Variants in RNFT1 observed in about 807,000 individuals in gnomAD.
RNFT1 encodes the protein ring finger protein, transmembrane 1, also known as E3 ubiquitin-protein ligase RNFT1.
Under a neutral mutation model 53.2 loss-of-function variants are expected in RNFT1, and 35 were observed. The ratio of observed to expected loss-of-function variants is 0.66; its 90% CI spans 0.50 to 0.87. The LOEUF (loss-of-function observed/expected upper bound fraction) is 0.87, where lower values mean the gene tolerates loss of function less well. RNFT1 is among the 40% of genes least tolerant of loss of function. The pLI is 0.00. For missense variants in RNFT1, 421 were observed against 515.0 expected (o/e 0.82, Z 1.77); for synonymous variants, 141 against 172.8 (o/e 0.82, Z 1.44).
chr17:59,952,999 G>A lies in RNFT1; in HGVS notation c.1286C>T (p.Ser429Leu), dbSNP rs1167730594. The A allele has an allele frequency of 1.2e-6, 2 of 1,613,202 alleles. No homozygotes were observed. Among genetic ancestry groups the A allele is most frequent in the Non-Finnish European group, 1.7e-6 (2 of 1,179,654 alleles). The change falls in exon 9 of 9, where the codon TCA becomes TTA. Residue 429 changes from serine (S) to leucine (L), a missense_variant. Transcript: ENST00000305783. ...AACTTAATATATTTGAAGGTGTGAT[G>A]AAGTGGCTCCATCCTTCCATTTGTT... ...HINKWKDGAT[S>L]SHLQIY
intron 7 of RNFT1, among the ~76,000 whole-genome samples, 167 bp downstream of exon 7, chr17:59,956,321 C>G (rs1057274169): frequency 2.0e-5 from 3 of 152,158 alleles, no homozygotes; most frequent in Non-Finnish European, 4.4e-5. Flanking sequence ...AGAGATAAAA[C>G]TCCTAAATTA....
intron 5 of RNFT1, 87 bp downstream of exon 5, chr17:59,958,204 A>C (rs2045266046): frequency 7.4e-7 from 1 of 1,360,192 alleles, no homozygotes; most frequent in African/African-American, 1.5e-5. Flanking sequence ...GAAAAACTGC[A>C]AAAGGAGGAT....
intron 7 of RNFT1, 70 bp from the exon 8 acceptor site, chr17:59,954,216 T>TTTGA: frequency 9.8e-7 from 1 of 1,022,364 alleles, no homozygotes; most frequent in Non-Finnish European, 1.5e-6. Flanking sequence ...ACATAAGTAA[T>TTTGA]GCTGTACTTC....
At chr17:59,953,243 C>T (rs1029231656) in intron 8 of RNFT1, 132 bp from the exon 9 acceptor site, 18 of 709,604 alleles carry the variant, frequency 2.5e-5, no homozygotes, top group Non-Finnish European at 3.5e-5. Context: ...TCACCCAGGC[C>T]GGAGTGCAAT....
At chr17:59,962,189 A>C (rs139407842) in intron 3 of RNFT1, 41 of 172,676 alleles carry the variant, frequency 2.4e-4, no homozygotes, top group Non-Finnish European at 2.2e-4. Context: ...CCAGCCACTA[A>C]AAGTTTTTCA....
intron 3 of RNFT1, among the ~76,000 whole-genome samples, chr17:59,960,787 C>T (rs1169818217): frequency 1.1e-4 from 16 of 151,634 alleles, no homozygotes; most frequent in Non-Finnish European, 1.6e-4. Flanking sequence ...CACTCCAGCC[C>T]GGGTGACAGA....
chr17:59,958,365 G>A lies in RNFT1; in HGVS notation c.772C>T (p.Leu258=). The A allele has an allele frequency of 1.2e-6, 2 of 1,606,232 alleles. No homozygotes were observed. The highest frequency in any genetic ancestry group is 8.5e-7 in the Non-Finnish European group (1 of 1,177,900). The change falls in exon 5 of 9, where the codon CTG becomes TTG. Residue 258 remains leucine, a synonymous_variant. Transcript: ENST00000305783. ...FWIVGITDFI[L]KFFFMGLKCL... ...TTTAAGCCCATGAAAAAGAATTTCA[G>A]AATGAAGTCTGTAATTCCAACAATC...
At chr17:59,959,235 C>T (rs1303021132) in intron 4 of RNFT1, 1 of 152,642 alleles carries the variant, frequency 6.6e-6, no homozygotes, top group Non-Finnish European at 1.5e-5. Context: ...CACCACCATC[C>T]AGCCAGCTGC....
chr17:59,955,553 T>G (rs1040694565), intron 7 of RNFT1, among the ~76,000 whole-genome samples: 3 of 152,214 alleles, frequency 2.0e-5, no homozygotes, highest in African/African-American at 7.2e-5. Flanking sequence ...GATGCTCACA[T>G]AATCATCAGT....
At chr17:59,964,359 T>A (rs1268703306) in intron 1 of RNFT1, among the ~76,000 whole-genome samples, 1 of 152,164 alleles carries the variant, frequency 6.6e-6, no homozygotes, top group Non-Finnish European at 1.5e-5. Flanking sequence ...TCGTCAAAAC[T>A]GAAGAGCGAC....
chr17:59,963,488 T>C (rs1481506818), intron 1 of RNFT1, among the ~76,000 whole-genome samples: 2 of 150,716 alleles, frequency 1.3e-5, no homozygotes, highest in African/African-American at 5.0e-5. Context: ...TAGGGAACAT[T>C]TGCACCAAAA....
chr17:59,957,272 A>T lies in RNFT1; in HGVS notation c.957T>A (p.Thr319=). The change falls in exon 6 of 9, where the codon ACT becomes ACA. Residue 319 remains threonine, a synonymous_variant. Transcript: ENST00000305783. Reference sequence around the variant, plus strand: ...CCAGCAGTATCCCAAGACTCCATCTAGTTACGTTACCAAACTCCCCATAGC... The same window carrying T: ...CCAGCAGTATCCCAAGACTCCATCTTGTTACGTTACCAAACTCCCCATAGC... ...LISYGEFGNV[T]RWSLGILLAL... The T allele has an allele frequency of 6.2e-7, 1 of 1,614,006 alleles. No homozygotes were observed. Among genetic ancestry groups the T allele is most frequent in the Non-Finnish European group, 8.5e-7 (1 of 1,179,966 alleles).
chr17:59,961,430 C>G (rs1184191915), intron 3 of RNFT1, among the ~76,000 whole-genome samples: 15 of 152,112 alleles, frequency 9.9e-5, no homozygotes, highest in African/African-American at 3.6e-4. Context: ...CTATAAATTT[C>G]CAGGTCAGAA....
At chr17:59,960,742 G>C (rs1310244415) in intron 3 of RNFT1, among the ~76,000 whole-genome samples, 1 of 151,958 alleles carries the variant, frequency 6.6e-6, no homozygotes, top group African/African-American at 2.4e-5. Flanking sequence ...GAACCCAGGA[G>C]GCAGAGGTTG....
In RNFT1 at chr17:59,957,143, T is replaced by C. The variant is rs1202284396; in HGVS notation, c.1005+81A>G. On this transcript the variant is annotated intron_variant, in intron 6 of 8. Coordinates refer to ENST00000305783, the MANE Select transcript of RNFT1 (RefSeq NM_016125.4). ...GTGATATGAAGATAAACTATAAAACTGTTAAAAGAGGAAAACAGTAGTATG... is the reference window on the plus strand; with the variant it reads ...GTGATATGAAGATAAACTATAAAACCGTTAAAAGAGGAAAACAGTAGTATG... 4 of 1,359,972 alleles carry C rather than the reference T, an allele frequency of 2.9e-6. No homozygotes were observed. The East Asian group carries it at 7.2e-5, about 24-fold the overall frequency. 84.2% of individuals were successfully genotyped at this position (1,359,972 alleles called of 1,614,324 possible).
intron 1 of RNFT1, 29 bp from the exon 2 acceptor site, chr17:59,963,313 G>T: frequency 6.4e-7 from 1 of 1,573,674 alleles, no homozygotes. Context: ...GATATTCTAA[G>T]TAAACAGGCA....
chr17:59,957,341 G>C lies in RNFT1; in HGVS notation c.888C>G (p.Tyr296Ter), dbSNP rs1391725039. ...AAACTGGTATGGGAACAAAAGTTCG[G>C]TAGTATTGACACAATTCTTCTAAAA... ...YMLLEELCQYYRTFVPIPVWF... is the reference protein window; with the variant it reads ...YMLLEELCQY Residue 296 changes from tyrosine to a stop codon, truncating the protein, a stop_gained, in exon 6 of 9, where the codon TAC becomes TAG. Transcript: ENST00000305783. LOFTEE classifies it high-confidence loss of function. 3 of 1,613,678 alleles carry C rather than the reference G, an allele frequency of 1.9e-6. No individual in the cohort carries two copies. Among genetic ancestry groups the C allele is most frequent in the Admixed American group, 3.3e-5 (2 of 59,962 alleles).
At chr17:59,961,165 T>C (rs748202547) in intron 3 of RNFT1, among the ~76,000 whole-genome samples, 12 of 151,898 alleles carry the variant, frequency 7.9e-5, no homozygotes, top group Non-Finnish European at 1.8e-4. Context: ...GCCTCCCAGA[T>C]AGCAGAGATT....
At chr17:59,962,771 A>G in intron 2 of RNFT1, 56 bp downstream of exon 2, 1 of 1,499,914 alleles carries the variant, frequency 6.7e-7, no homozygotes, top group Middle Eastern at 2.0e-4. Context: ...CCAATAATGA[A>G]AGAAAATTAA....
Sources: allele counts gnomAD v4.1 joint callset (sites outside exome capture counted in the v4.1 genomes callset), GRCh38; gene constraint gnomAD v4.1.1; transcripts MANE v1.5; gene names NCBI Gene and HGNC (gene_info 2026-07-23, HGNC 2026-07-21).